Variants in USH2A observed in about 807,000 individuals in gnomAD.
USH2A encodes usherin.
A neutral mutation model predicts 538.9 loss-of-function variants in USH2A; 443 were observed. The observed-to-expected ratio is 0.82, with a 90% CI of 0.76 to 0.89. The LOEUF is 0.89. Among genes scored for constraint, USH2A ranks in the 40% least tolerant of loss-of-function variants. The pLI, the probability that USH2A is intolerant of heterozygous loss-of-function variation, is 0.00. For missense variants in USH2A, 6,633 were observed against 6,324.8 expected, an observed-to-expected ratio of 1.05 and a Z score of -1.65; for synonymous variants, 2,413 against 2,273.5, an observed-to-expected ratio of 1.06 and a Z score of -1.75.
intron 21 of USH2A, among the ~76,000 whole-genome samples, chr1:216,168,768 C>T (rs2034219276): frequency 6.6e-6 from 1 of 152,120 alleles, no homozygotes; most frequent in Non-Finnish European, 1.5e-5. Flanking sequence ...AGTCCCTTAA[C>T]TCATGAAATA....
In USH2A at chr1:216,422,039, G is replaced by C; in HGVS notation, c.298C>G (p.Leu100Val). Reference protein sequence around the residue: ...YRSSHPTYTALFSAGLSSCIT... With the variant: ...YRSSHPTYTAVFSAGLSSCIT... Reference sequence around the variant, plus strand: ...CAGCTACTGAGGCCTGCTGAGAAAAGGGCAGTGTAGGTAGGGTGTGAAGAT... The same window carrying C: ...CAGCTACTGAGGCCTGCTGAGAAAACGGCAGTGTAGGTAGGGTGTGAAGAT... The change falls in exon 2 of 72, where the codon CTT (leucine) becomes GTT (valine). Residue 100 changes from leucine (L) to valine (V), a missense_variant. Leu to Val is a conservative substitution (Grantham distance 32, BLOSUM62 1). Transcript: ENST00000307340. 3 of 1,613,876 alleles carry C rather than the reference G, an allele frequency of 1.9e-6. No individual in the cohort carries two copies. The highest frequency in any genetic ancestry group is 2.5e-6 in the Non-Finnish European group (3 of 1,179,916).
chr1:215,857,501 G>A (rs1006139595), intron 44 of USH2A, among the ~76,000 whole-genome samples: 1 of 152,194 alleles, frequency 6.6e-6, no homozygotes, highest in East Asian at 1.9e-4. Flanking sequence ...GGAGCAACAG[G>A]AATTTATGCT....
intron 3 of USH2A, among the ~76,000 whole-genome samples, chr1:216,391,468 AT>A (rs1223285897): frequency 1.3e-5 from 2 of 152,232 alleles, no homozygotes; most frequent in Non-Finnish European, 2.9e-5. Flanking sequence ...TTTAAAAAAA[AT>A]GAATATAGAT....
chr1:216,059,746 G>A (rs2031110297), intron 30 of USH2A, among the ~76,000 whole-genome samples: 1 of 151,930 alleles, frequency 6.6e-6, no homozygotes, highest in South Asian at 2.1e-4. Context: ...TTGAGAATTG[G>A]GTTTTGTTTT....
chr1:216,422,055 G>A lies in USH2A; in HGVS notation c.282C>T (p.His94=). Residue 94 remains histidine (H), a synonymous_variant, in exon 2 of 72, where the codon CAC becomes CAT. Transcript: ENST00000307340. The part of the protein sequence containing the change: ...CIQDCPYRSS[H]PTYTALFSAG... ...CTGAGAAAAGGGCAGTGTAGGTAGG[G>A]TGTGAAGATCTGTATGGGCAATCCT... 2 of 1,613,864 alleles carry A rather than the reference G, an allele frequency of 1.2e-6. No individual in the cohort carries two copies. The highest frequency in any genetic ancestry group is 1.7e-6 in the Non-Finnish European group (2 of 1,179,910).
Position 216,370,677 on chromosome 1 carries a change from C to CAAAAAAAAATAAAA in USH2A, c.652-5593_652-5592insTTTTATTTTTTTTT, listed in dbSNP as rs2038694731. Among the ~76,000 whole-genome samples the CAAAAAAAAATAAAA allele has an allele frequency of 6.7e-5, 2 of 29,990 alleles. 1 individual carries two copies. The highest frequency in any genetic ancestry group is 1.2e-4 in the Non-Finnish European group (2 of 16,362). 19.7% of individuals were successfully genotyped at this position (29,990 alleles called of 152,430 possible). A position where few individuals can be genotyped will look rare whatever the true frequency, so the allele number is the denominator to read the frequency against. On this transcript the variant is annotated intron_variant, in intron 3 of 71. Transcript: ENST00000307340. ...TGGGGAACAGAGCCAGACTCTGTCTCAAAAAAAAAAAAAAAAAAAAAAAAA... is the reference window on the plus strand; with the variant it reads ...TGGGGAACAGAGCCAGACTCTGTCTCAAAAAAAAATAAAAAAAAAAAAAAAAAAAAAAAAAAAAA...
intron 44 of USH2A, among the ~76,000 whole-genome samples, chr1:215,862,421 G>T (rs930296154): frequency 2.6e-5 from 4 of 152,000 alleles, no homozygotes; most frequent in African/African-American, 9.7e-5. Context: ...TCGTGGGGTG[G>T]GGGGAGTGGG....
At chr1:215,951,692 T>C (rs1372203147) in intron 37 of USH2A, among the ~76,000 whole-genome samples, 2 of 152,048 alleles carry the variant, frequency 1.3e-5, no homozygotes, top group Non-Finnish European at 2.9e-5. Context: ...GGAGTCTAAG[T>C]CTCTTTGTAG....
chr1:216,041,450 C>T (rs557890271), intron 32 of USH2A, among the ~76,000 whole-genome samples: 5 of 152,186 alleles, frequency 3.3e-5, no homozygotes, highest in African/African-American at 1.2e-4. Flanking sequence ...ATTTACTTTG[C>T]TTGTGCCCCC....
At chr1:216,416,762 C>T (rs572850493) in intron 3 of USH2A, among the ~76,000 whole-genome samples, 31 of 152,264 alleles carry the variant, frequency 2.0e-4, no homozygotes, top group African/African-American at 7.0e-4. Context: ...TTTTAATGTA[C>T]TACTGCCTGC....
At chr1:216,331,066 GAATTCAT>G (rs1294893025) in intron 4 of USH2A, among the ~76,000 whole-genome samples, 3 of 152,022 alleles carry the variant, frequency 2.0e-5, no homozygotes, top group Non-Finnish European at 4.4e-5. Flanking sequence ...CATTGCTAAA[GAATTCAT>G]ATTTGAAGAA....
chr1:216,073,041 G>T (rs762949242), intron 28 of USH2A, 56 bp downstream of exon 28: 3 of 1,612,978 alleles, frequency 1.9e-6, no homozygotes, highest in Non-Finnish European at 2.5e-6. Context: ...GGCAGGGAGG[G>T]AAAGGGGGAT....
In USH2A at chr1:215,634,612, C is replaced by G. The variant is rs397517998; in HGVS notation, c.15144G>C (p.Ala5048=). The change falls in exon 70 of 72, where the codon GCG becomes GCC. Residue 5048 remains alanine (A), a synonymous_variant. Transcript: ENST00000307340. ...TGGCCAACAAGATCAAGCCCAGCATCGCCATTAACACTATGAACCACAGCT... is the reference window on the plus strand; with the variant it reads ...TGGCCAACAAGATCAAGCCCAGCATGGCCATTAACACTATGAACCACAGCT... ...YSELWFIVLM[A]MLGLILLAIF... 8.1e-6 allele frequency: 13 copies of G among 1,614,096 alleles called. No individual in the cohort carries two copies. Among genetic ancestry groups the G allele is most frequent in the Middle Eastern group, 1.6e-4 (1 of 6,084 alleles).
intron 32 of USH2A, among the ~76,000 whole-genome samples, chr1:216,008,682 T>A (rs1049345841): frequency 1.3e-5 from 2 of 152,138 alleles, no homozygotes; most frequent in African/African-American, 4.8e-5. Flanking sequence ...CCAAGGGACA[T>A]CTCACCAATT....
intron 41 of USH2A, among the ~76,000 whole-genome samples, chr1:215,883,380 A>C (rs1278511184): frequency 6.6e-6 from 1 of 151,750 alleles, no homozygotes; most frequent in African/African-American, 2.4e-5. Flanking sequence ...GTGGGGGGGA[A>C]GTTTATGCCT....
intron 20 of USH2A, among the ~76,000 whole-genome samples, chr1:216,178,983 G>C (rs1243774207): frequency 1.3e-5 from 2 of 152,042 alleles, no homozygotes; most frequent in African/African-American, 4.8e-5. Context: ...ACTAAATGTT[G>C]AGAAGAAGTA....
chr1:215,995,470 T>C (rs1174959021), intron 34 of USH2A, among the ~76,000 whole-genome samples: 1 of 152,210 alleles, frequency 6.6e-6, no homozygotes, highest in African/African-American at 2.4e-5. Flanking sequence ...TCTTAGTTCC[T>C]TTGATGGGAA....
intron 3 of USH2A, among the ~76,000 whole-genome samples, chr1:216,398,622 C>T (rs573924984): frequency 5.3e-5 from 8 of 152,202 alleles, no homozygotes; most frequent in Admixed American, 5.2e-4. Context: ...CCGAGCTCAT[C>T]AGGGAGCTAA....
rs769612846 is a variant in USH2A, at chr1:216,089,078, C to T, written c.4820G>A (p.Trp1607Ter). ...DHGKQYSDGK[W>*]HEIIAIRHQA... ...ATGCCTAATAGCAATTATTTCATGC[C>T]ATTTTCCATCACTATATTGTTTGCC... The change falls in exon 23 of 72, where the codon TGG (tryptophan) becomes TAG (stop). Residue 1607 changes from tryptophan (W) to a stop codon, truncating the protein, a stop_gained. Transcript: ENST00000307340. LOFTEE classifies it high-confidence loss of function. 1 of 1,613,380 alleles carries T rather than the reference C, an allele frequency of 6.2e-7. No homozygotes were observed. The highest frequency in any genetic ancestry group is 8.5e-7 in the Non-Finnish European group (1 of 1,179,530).
Sources: allele counts gnomAD v4.1 joint callset (sites outside exome capture counted in the v4.1 genomes callset), GRCh38; gene constraint gnomAD v4.1.1; transcripts MANE v1.5; gene names NCBI Gene and HGNC (gene_info 2026-07-23, HGNC 2026-07-21).